The following TGS1 variants were observed in gnomAD, a reference collection of about 807,000 sequenced individuals.
The protein encoded by TGS1 is trimethylguanosine synthase.
A neutral mutation model predicts 92.2 loss-of-function variants in TGS1; 69 were observed. That is an observed-to-expected ratio of 0.75 (90% CI 0.62 to 0.91). The LOEUF (loss-of-function observed/expected upper bound fraction) is 0.91. Among genes scored for constraint, TGS1 ranks in the 40% least tolerant of loss-of-function variants. The probability of loss-of-function intolerance (pLI) is 0.00; values close to 1 mark genes in which losing one functional copy is unlikely to be tolerated. For missense variants in TGS1, 1,062 were observed against 1,001.2 expected (o/e 1.06, Z -0.82); for synonymous variants, 345 against 338.1 (o/e 1.02, Z -0.22).
Position 55,811,097 on chromosome 8 carries a change from G to C in TGS1, c.2360G>C (p.Gly787Ala). 7.0e-7 allele frequency: 1 copy of C among 1,438,136 alleles called. No individual in the cohort carries two copies. The highest frequency in any genetic ancestry group is 9.4e-7 in the Non-Finnish European group (1 of 1,068,140). 89.1% of individuals were successfully genotyped at this position (1,438,136 alleles called of 1,614,324 possible). A position where few individuals can be genotyped will look rare whatever the true frequency, so the allele number is the denominator to read the frequency against. Residue 787 changes from glycine (G) to alanine (A), a missense_variant and splice_region_variant, in exon 11 of 13, where the codon GGC becomes GCC. Physicochemically the swap from Gly to Ala is moderately conservative, Grantham distance 60. Transcript: ENST00000260129. ...ATTAGAACAATGATGTCTCCTGATG[G>C]ATATCCTTTGGAAGTCTTAAGAGTT... is the stretch of plus-strand genomic sequence containing the variant. ...FDIRTMMSPD[G>A]FEIFRLSKKI...
chr8:55,800,879 A>T (rs1812196175), intron 8 of TGS1, among the ~76,000 whole-genome samples: 1 of 152,192 alleles, frequency 6.6e-6, no homozygotes, highest in African/African-American at 2.4e-5. Context: ...TTTGTTAGCC[A>T]TCACCTCTTG....
chr8:55,815,169 C>T (rs1225091171), intron 12 of TGS1, among the ~76,000 whole-genome samples: 5 of 152,146 alleles, frequency 3.3e-5, no homozygotes, highest in African/African-American at 7.2e-5. Context: ...AACACTTTCA[C>T]AAAGAGAAAG....
intron 1 of TGS1, among the ~76,000 whole-genome samples, chr8:55,777,891 G>A (rs1282364936): frequency 8.8e-6 from 1 of 114,216 alleles, no homozygotes; most frequent in Non-Finnish European, 1.7e-5. Flanking sequence ...ACAAATGTCA[G>A]AATAATTTAA....
Position 55,804,884 on chromosome 8 carries a change from C to A in TGS1, c.2000-9C>A. On this transcript the variant is annotated splice_polypyrimidine_tract_variant and intron_variant, in intron 9 of 12. Coordinates refer to ENST00000260129, the MANE Select transcript of TGS1 (RefSeq NM_024831.8). ...TGAACATGCTAACACAAATACTCTT[C>A]CTTTGCAGAGGGCTGGTTTTCAGTT... 6.2e-7 allele frequency: 1 copy of A among 1,612,472 alleles called. No individual in the cohort carries two copies. The highest frequency in any genetic ancestry group is 1.1e-5 in the South Asian group (1 of 90,902).
At chr8:55,779,498 G>T (rs1811498327) in intron 1 of TGS1, among the ~76,000 whole-genome samples, 1 of 152,142 alleles carries the variant, frequency 6.6e-6, no homozygotes, top group African/African-American at 2.4e-5. Context: ...ACTGTGGTGG[G>T]ACCAAAAAGC....
At position 55,798,888 on chromosome 8, in the gene TGS1, CTCATGATG is replaced by C. The variant is rs747462554; in HGVS notation, c.1543-21_1543-14del. 6.5e-7 allele frequency: 1 copy of C among 1,543,422 alleles called. No homozygotes were observed. The highest frequency in any genetic ancestry group is 1.2e-5 in the South Asian group (1 of 81,154). ...CTGTGTAGTTTGGAATTAATTCCTG[CTCATGATG>C]TCATCTTAAAATTTAAGGTAGAAAA... On this transcript the variant is annotated intron_variant, in intron 7 of 12. Transcript: ENST00000260129.
chr8:55,820,836 C>T (rs1803616239), intron 12 of TGS1, among the ~76,000 whole-genome samples: 1 of 152,182 alleles, frequency 6.6e-6, no homozygotes, highest in South Asian at 2.1e-4. Flanking sequence ...ACCTGCCGTT[C>T]TCCCTCTCTC....
chr8:55,813,168 A>AGTAC (rs746382761), intron 12 of TGS1, 50 bp downstream of exon 12: 1 of 1,307,394 alleles, frequency 7.6e-7, no homozygotes, highest in Admixed American at 1.8e-5. Flanking sequence ...AACTGTTACA[A>AGTAC]GTACGGTAAA....
intron 8 of TGS1, 45 bp from the exon 9 acceptor site, chr8:55,802,412 A>T (rs144035463): frequency 6.5e-7 from 1 of 1,547,782 alleles, no homozygotes; most frequent in Admixed American, 1.8e-5. Flanking sequence ...TGTGATACTA[A>T]TTTTTTTCTT....
At chr8:55,810,195 G>C (rs1011611087) in intron 10 of TGS1, among the ~76,000 whole-genome samples, 1 of 152,184 alleles carries the variant, frequency 6.6e-6, no homozygotes, top group African/African-American at 2.4e-5. Context: ...TAACACAGTA[G>C]TGCACATGCA....
intron 1 of TGS1, among the ~76,000 whole-genome samples, chr8:55,776,959 G>C (rs1410288986): frequency 6.6e-6 from 1 of 151,234 alleles, no homozygotes; most frequent in Admixed American, 6.6e-5. Flanking sequence ...GTTTTTTTTT[G>C]GTGGTGGCGG....
At chr8:55,787,878 A>G (rs1167581689) in intron 4 of TGS1, among the ~76,000 whole-genome samples, 2 of 152,222 alleles carry the variant, frequency 1.3e-5, no homozygotes, top group African/African-American at 2.4e-5. Context: ...GGCATGCCAC[A>G]TGGCAAGAGA....
chr8:55,816,568 T>C (rs905052773), intron 12 of TGS1, among the ~76,000 whole-genome samples: 3 of 152,206 alleles, frequency 2.0e-5, no homozygotes, highest in African/African-American at 7.2e-5. Flanking sequence ...TACTTATCTT[T>C]GTCATGGTAT....
chr8:55,812,591 G>GC (rs1803367864), intron 11 of TGS1, among the ~76,000 whole-genome samples: 2 of 151,936 alleles, frequency 1.3e-5, no homozygotes, highest in African/African-American at 4.8e-5. Flanking sequence ...GGAGGCTGAG[G>GC]CATGAGGATC....
chr8:55,782,909 A>G, intron 2 of TGS1, 97 bp downstream of exon 2: 1 of 774,490 alleles, frequency 1.3e-6, no homozygotes, highest in Non-Finnish European at 2.0e-6. Context: ...TTGATTTGTT[A>G]GCATAAAATA....
chr8:55,807,898 A>G (rs750131566), intron 10 of TGS1, among the ~76,000 whole-genome samples: 9 of 152,192 alleles, frequency 5.9e-5, no homozygotes, highest in Non-Finnish European at 1.3e-4. Context: ...TATTATACCT[A>G]TCAATGATAG....
At chr8:55,823,474 A>G (rs1024801245) in intron 12 of TGS1, among the ~76,000 whole-genome samples, 2 of 152,202 alleles carry the variant, frequency 1.3e-5, no homozygotes, top group African/African-American at 4.8e-5. Context: ...ATAAAGAGCA[A>G]TATATTTTTA....
Position 55,780,441 on chromosome 8 carries a change from A to C in TGS1, c.102-2307A>C, listed in dbSNP as rs539857194. 2.0e-5 allele frequency among the ~76,000 whole-genome samples: 3 copies of C among 152,254 alleles called. 1 individual carries two copies. In the South Asian group the frequency reaches 6.2e-4, roughly 32 times the overall value. On this transcript the variant is annotated intron_variant, in intron 1 of 12. Transcript: ENST00000260129. ...TCATGCCTTAGCAGGAGTGCCACAG[A>C]AATGATGCTATGCCCAGCTCTGTGT...
chr8:55,796,603 G>T (rs535124262), intron 7 of TGS1, among the ~76,000 whole-genome samples: 1 of 152,038 alleles, frequency 6.6e-6, no homozygotes, highest in Non-Finnish European at 1.5e-5. Flanking sequence ...CAGGAGAATC[G>T]CCTGAACCCG....
Sources: allele counts gnomAD v4.1 joint callset (sites outside exome capture counted in the v4.1 genomes callset), GRCh38; gene constraint gnomAD v4.1.1; transcripts MANE v1.5; gene names NCBI Gene and HGNC (gene_info 2026-07-23, HGNC 2026-07-21).